The following CHRDL2 variants were observed in gnomAD, a reference collection of about 807,000 sequenced individuals.
The protein encoded by CHRDL2 is chordin like 2, also known as chordin-like protein 2.
CHRDL2 carries 41 observed loss-of-function variants against 54.3 expected under a neutral mutation model. The observed-to-expected ratio is 0.76, with a 90% CI of 0.59 to 0.98. The LOEUF (loss-of-function observed/expected upper bound fraction) is 0.98. Ranked by LOEUF, CHRDL2 falls within the 50% of genes least tolerant of loss-of-function variation. CHRDL2 has a pLI of 0.00. For missense variants in CHRDL2, 518 were observed against 562.4 expected, an observed-to-expected ratio of 0.92 and a Z score of 0.80; for synonymous variants, 220 against 224.3, an observed-to-expected ratio of 0.98 and a Z score of 0.17.
At chr11:74,724,703 C>G (rs2034545309) in intron 1 of CHRDL2, among the ~76,000 whole-genome samples, 1 of 152,372 alleles carries the variant, frequency 6.6e-6, no homozygotes, top group Non-Finnish European at 1.5e-5. Flanking sequence ...TTCTGTGAAG[C>G]TGCCCCAAAC....
At position 74,731,320 on chromosome 11, in the gene CHRDL2, G is replaced by C. The variant is rs910205744; in HGVS notation, c.-432C>G. 1 of 148,404 alleles carries C rather than the reference G, an allele frequency of 6.7e-6. No homozygotes were observed. The highest frequency in any genetic ancestry group is 1.5e-5 in the Non-Finnish European group (1 of 66,314). The allele number at this position is 148,404 out of a possible 1,614,324, so 9.2% of individuals were successfully genotyped here. On this transcript the variant is annotated 5_prime_UTR_variant, in exon 1 of 11. Coordinates refer to ENST00000376332, the MANE Select transcript of CHRDL2 (RefSeq NM_001278473.3). The surrounding 1 kb of genome is among the most constrained non-coding windows in gnomAD (Gnocchi z 4.4). Reference sequence around the variant, plus strand: ...GGCGCCCCCTGCTCGGTGGGCTCGGGGTCGGGCCGCGGGGGCCTGGGGCCC... The same window carrying C: ...GGCGCCCCCTGCTCGGTGGGCTCGGCGTCGGGCCGCGGGGGCCTGGGGCCC...
At chr11:74,712,737 C>T (rs2034237529) in intron 3 of CHRDL2, among the ~76,000 whole-genome samples, 1 of 152,142 alleles carries the variant, frequency 6.6e-6, no homozygotes, top group South Asian at 2.1e-4. Flanking sequence ...CTCAACCTCC[C>T]CTCCCACCTC....
Position 74,724,483 on chromosome 11 carries a change from C to T in CHRDL2, c.83-5651G>A, listed in dbSNP as rs1310846217. Reference sequence around the variant, plus strand: ...ATCCCCAGCCTATCATGAGGTGGCTCCTGCCTGCTTTTCCAGCAAAACTTT... The same window carrying T: ...ATCCCCAGCCTATCATGAGGTGGCTTCTGCCTGCTTTTCCAGCAAAACTTT... On this transcript the variant is annotated intron_variant, in intron 1 of 10. Coordinates refer to ENST00000376332, the MANE Select transcript of CHRDL2 (RefSeq NM_001278473.3). 2.0e-5 allele frequency among the ~76,000 whole-genome samples: 3 copies of T among 152,366 alleles called. No homozygotes were observed. The East Asian group carries it at 5.8e-4, about 29-fold the overall frequency.
At chr11:74,730,678 T>G (rs936419381) in intron 1 of CHRDL2, 129 bp downstream of exon 1, 11 of 857,708 alleles carry the variant, frequency 1.3e-5, no homozygotes, top group African/African-American at 5.0e-5. Flanking sequence ...TCACGGAGTC[T>G]CCACCCCTCC....
chr11:74,712,664 G>A (rs924552820), intron 3 of CHRDL2, among the ~76,000 whole-genome samples: 11 of 152,058 alleles, frequency 7.2e-5, no homozygotes, highest in Admixed American at 1.3e-4. Flanking sequence ...GCCCCGACCC[G>A]AGGCCAAAAT....
chr11:74,718,419 C>T (rs1032503235), intron 2 of CHRDL2, among the ~76,000 whole-genome samples: 1 of 151,920 alleles, frequency 6.6e-6, no homozygotes. Context: ...TCTTGGGCTG[C>T]GTGGGAGGCA....
At chr11:74,705,006 A>T (rs1303005099) in intron 6 of CHRDL2, among the ~76,000 whole-genome samples, 1 of 152,174 alleles carries the variant, frequency 6.6e-6, no homozygotes, top group African/African-American at 2.4e-5. Context: ...TTTGGGAAAC[A>T]GAAGGTGAGC....
intron 1 of CHRDL2, among the ~76,000 whole-genome samples, chr11:74,723,943 T>C (rs1448046057): frequency 1.3e-5 from 2 of 152,344 alleles, no homozygotes; most frequent in East Asian, 3.9e-4. Context: ...TACAGTAATA[T>C]TACTTCCCAT....
chr11:74,706,592 T>A (rs763245414), intron 5 of CHRDL2, 50 bp from the exon 6 acceptor site: 25 of 1,593,576 alleles, frequency 1.6e-5, no homozygotes, highest in Non-Finnish European at 2.1e-5. Context: ...CCAGCCTTGC[T>A]GGCTAGAGCC....
At chr11:74,704,033 C>T (rs904117139) in intron 7 of CHRDL2, among the ~76,000 whole-genome samples, 1 of 152,222 alleles carries the variant, frequency 6.6e-6, no homozygotes, top group African/African-American at 2.4e-5. Context: ...CCTGCAGCCT[C>T]GCTCTGCTCC....
At chr11:74,712,084 A>G (rs1386622250) in intron 3 of CHRDL2, among the ~76,000 whole-genome samples, 2 of 152,178 alleles carry the variant, frequency 1.3e-5, no homozygotes, top group African/African-American at 4.8e-5. Context: ...TGCTGGGATT[A>G]CAGATACAAG....
At position 74,710,870 on chromosome 11, in the gene CHRDL2, C is replaced by G. The variant is rs202076146; in HGVS notation, c.411G>C (p.Gln137His). The G allele has an allele frequency of 1.2e-6, 2 of 1,614,152 alleles. No individual in the cohort carries two copies. The highest frequency in any genetic ancestry group is 2.7e-5 in the African/African-American group (2 of 75,034). ...HELFPSRLPN[Q>H]CVLCSCTEGQ... is the part of the protein sequence containing the mutation. Reference sequence around the variant, plus strand: ...TTACTGTGCAGCTGCAGAGGACACACTGGTTGGGCAGGCGGGAGGGGAACA... The same window carrying G: ...TTACTGTGCAGCTGCAGAGGACACAGTGGTTGGGCAGGCGGGAGGGGAACA... The change falls in exon 4 of 11, where the codon CAG becomes CAC. Residue 137 changes from glutamine to histidine, a missense_variant. Physicochemically the swap from Gln to His is conservative, Grantham distance 24. Coordinates refer to ENST00000376332, the MANE Select transcript of CHRDL2 (RefSeq NM_001278473.3).
At chr11:74,715,367 G>A (rs2135263979) in intron 2 of CHRDL2, among the ~76,000 whole-genome samples, 1 of 152,324 alleles carries the variant, frequency 6.6e-6, no homozygotes, top group East Asian at 1.9e-4. Flanking sequence ...ACTTTGGGAG[G>A]CCGAGGTGGG....
chr11:74,707,307 A>T (rs766400598), intron 5 of CHRDL2, among the ~76,000 whole-genome samples: 1 of 152,334 alleles, frequency 6.6e-6, no homozygotes, highest in East Asian at 1.9e-4. Flanking sequence ...CCTGATTCCT[A>T]GTCCAGTGCT....
At chr11:74,697,768 G>A (rs1049433722) in intron 9 of CHRDL2, 2 of 300,970 alleles carry the variant, frequency 6.6e-6, no homozygotes, top group Non-Finnish European at 1.3e-5. Flanking sequence ...GGAGGGAGAG[G>A]AGGAAGAAAG....
intron 1 of CHRDL2, among the ~76,000 whole-genome samples, chr11:74,725,890 T>C (rs2034565306): frequency 6.6e-6 from 1 of 152,132 alleles, no homozygotes; most frequent in Non-Finnish European, 1.5e-5. Context: ...CCATACTTTC[T>C]CTATTTATTT....
chr11:74,706,645 C>T, intron 5 of CHRDL2, 103 bp from the exon 6 acceptor site: 2 of 1,060,322 alleles, frequency 1.9e-6, no homozygotes, highest in South Asian at 1.3e-5. Flanking sequence ...CCAAGGCCTG[C>T]TGTCCCATCT....
chr11:74,697,427 A>C, intron 9 of CHRDL2, 130 bp from the exon 10 acceptor site: 2 of 661,118 alleles, frequency 3.0e-6, no homozygotes. Flanking sequence ...CAGACACAAA[A>C]TCCTGCTGAT....
intron 4 of CHRDL2, 72 bp from the exon 5 acceptor site, chr11:74,708,467 C>G: frequency 8.4e-7 from 1 of 1,184,436 alleles, no homozygotes; most frequent in East Asian, 2.9e-5. Flanking sequence ...GGAACACCCC[C>G]TTCCCTGGGA....
Sources: allele counts gnomAD v4.1 joint callset (sites outside exome capture counted in the v4.1 genomes callset), GRCh38; gene constraint gnomAD v4.1.1; non-coding constraint Gnocchi (gnomAD v3.1); transcripts MANE v1.5; gene names NCBI Gene and HGNC (gene_info 2026-07-23, HGNC 2026-07-21).